The following ZNF81 variants were observed in gnomAD, a reference collection of about 807,000 sequenced individuals.
ZNF81 encodes zinc finger protein 81.
A neutral mutation model predicts 32.3 loss-of-function variants in ZNF81; 5 were observed. The observed-to-expected ratio is 0.15, with a 90% confidence interval of 0.08 to 0.33. ZNF81 has a LOEUF of 0.33. ZNF81 is among the 10% of genes least tolerant of loss of function. The pLI is 1.00. For missense variants in ZNF81, 379 were observed against 479.8 expected (o/e 0.79, Z 1.96); for synonymous variants, 163 against 166.8 (o/e 0.98, Z 0.17).
chrX:47,870,126 T>C (rs782515787), intron 2 of ZNF81, among the ~76,000 whole-genome samples: 1 of 112,255 alleles, frequency 8.9e-6, no homozygotes, highest in East Asian at 2.8e-4. Flanking sequence ...GGTGGCAGAC[T>C]TCTTCCAGCA....
intron 4 of ZNF81, among the ~76,000 whole-genome samples, chrX:47,910,692 G>A (rs2058736681): frequency 8.9e-6 from 1 of 111,740 alleles, no homozygotes; most frequent in East Asian, 2.8e-4. Flanking sequence ...ACACCACTAG[G>A]TGCTGTATTA....
intron 1 of ZNF81, among the ~76,000 whole-genome samples, chrX:47,837,966 C>T (rs919033625): frequency 1.8e-5 from 2 of 112,179 alleles, no homozygotes; most frequent in African/African-American, 6.5e-5. Context: ...AATCCATATA[C>T]ATAGTATGTC....
At chrX:47,851,802 A>T (rs1363046606) in intron 2 of ZNF81, among the ~76,000 whole-genome samples, 2 of 112,400 alleles carry the variant, frequency 1.8e-5, no homozygotes, top group African/African-American at 6.5e-5. Flanking sequence ...TCTGTTTAAT[A>T]CTTAATTGTT....
At chrX:47,854,122 C>G (rs1220685023) in intron 2 of ZNF81, among the ~76,000 whole-genome samples, 3 of 112,705 alleles carry the variant, frequency 2.7e-5, no homozygotes, top group African/African-American at 9.7e-5. Flanking sequence ...CTTGCTACTT[C>G]ACCTTGTACT....
At chrX:47,857,070 A>G (rs2058520423) in intron 2 of ZNF81, among the ~76,000 whole-genome samples, 1 of 112,416 alleles carries the variant, frequency 8.9e-6, no homozygotes, top group African/African-American at 3.2e-5. Flanking sequence ...CAGAGGGAAT[A>G]TAAGGTGAAA....
chrX:47,904,243 AC>A (rs1430794117), intron 4 of ZNF81, among the ~76,000 whole-genome samples: 1 of 110,993 alleles, frequency 9.0e-6, no homozygotes, highest in East Asian at 2.8e-4. Flanking sequence ...GAGCTTCTGC[AC>A]AGCAAAAGAA....
rs1410809453 is a variant in ZNF81 at position 47,915,187 on chromosome X, A to C, written c.541A>C (p.Asn181His). ...TGGAAAATTTGTTCATCCAAGCCCAAATCTCATTCTTTCACAGAAAAGACC... is the reference window on the plus strand; with the variant it reads ...TGGAAAATTTGTTCATCCAAGCCCACATCTCATTCTTTCACAGAAAAGACC... ...DFGKFVHPSP[N>H]LILSQKRPHK... The change falls in exon 5 of 5, where the codon AAT becomes CAT. Residue 181 changes from asparagine to histidine, a missense_variant. By Grantham distance (68) the Asn-to-His change is moderately conservative. Coordinates refer to ENST00000338637, the MANE Select transcript of ZNF81 (RefSeq NM_007137.5). The C allele has an allele frequency of 3.3e-6, 4 of 1,204,185 alleles. No homozygotes were observed. Among genetic ancestry groups the C allele is most frequent in the Admixed American group, 2.2e-5 (1 of 44,731 alleles).
chrX:47,898,839 C>A (rs907287750), intron 4 of ZNF81, among the ~76,000 whole-genome samples: 13 of 111,440 alleles, frequency 1.2e-4, no homozygotes, highest in Middle Eastern at 8.6e-3. Flanking sequence ...TTTTACATGG[C>A]ATTGTTTTAG....
At chrX:47,884,076 T>C (rs1327681170) in intron 2 of ZNF81, among the ~76,000 whole-genome samples, 1 of 108,285 alleles carries the variant, frequency 9.2e-6, no homozygotes, top group Non-Finnish European at 1.9e-5. Flanking sequence ...TGAAACCCTG[T>C]CTCTACTAAA....
rs782299682 is a variant in ZNF81, at chrX:47,920,157, A to C, written c.*3525A>C. The C allele has an allele frequency of 1.9e-3, 211 of 111,935 alleles. No homozygotes were observed. Among genetic ancestry groups the C allele is most frequent in the Non-Finnish European group, 3.3e-3 (175 of 53,233 alleles). The allele number at this position is 111,935 out of a possible 1,213,427, so 9.2% of individuals were successfully genotyped here. On this transcript the variant is annotated 3_prime_UTR_variant, in exon 5 of 5. Transcript: ENST00000338637. ...GTTACCTTTGCTGTACCATAGACTTAAAATTCCTCTATTGTTATCTTATGC... is the reference window on the plus strand; with the variant it reads ...GTTACCTTTGCTGTACCATAGACTTCAAATTCCTCTATTGTTATCTTATGC...
intron 2 of ZNF81, among the ~76,000 whole-genome samples, chrX:47,857,720 C>G (rs2058523059): frequency 9.0e-6 from 1 of 111,494 alleles, no homozygotes; most frequent in African/African-American, 3.3e-5. Flanking sequence ...TGCCCTTGAC[C>G]CCTTATCCAC....
rs2058448814 is a variant in ZNF81, at chrX:47,841,459, C to A, written c.-164+4472C>A. ...CAAAGGCCAAGGAATGTTTATCTGG[C>A]AATTCCAAGGCATGAGGTTTCACTT... On this transcript the variant is annotated intron_variant, in intron 1 of 4. Transcript: ENST00000338637. 3.8e-6 allele frequency: 4 copies of A among 1,041,260 alleles called. No homozygotes were observed. In the South Asian group the frequency reaches 7.5e-5, roughly 19 times the overall value. 85.8% of individuals were successfully genotyped at this position (1,041,260 alleles called of 1,213,427 possible).
chrX:47,883,638 T>C (rs1260077960), intron 2 of ZNF81, among the ~76,000 whole-genome samples: 3 of 112,505 alleles, frequency 2.7e-5, no homozygotes, highest in Admixed American at 9.4e-5. Flanking sequence ...TTACTTCTGT[T>C]AGGTTTATTT....
chrX:47,855,190 T>TA (rs1163678594), intron 2 of ZNF81, among the ~76,000 whole-genome samples: 6 of 106,948 alleles, frequency 5.6e-5, no homozygotes, highest in African/African-American at 1.4e-4. Context: ...TAAATAAAAA[T>TA]AAAAAAACCC....
At chrX:47,891,740 A>G (rs2058663021) in intron 3 of ZNF81, among the ~76,000 whole-genome samples, 1 of 112,211 alleles carries the variant, frequency 8.9e-6, no homozygotes, top group African/African-American at 3.2e-5. Flanking sequence ...GGTGGACCAT[A>G]GTGGTGTTTG....
At chrX:47,904,573 G>A (rs1556888746) in intron 4 of ZNF81, among the ~76,000 whole-genome samples, 1 of 110,688 alleles carries the variant, frequency 9.0e-6, no homozygotes, top group Non-Finnish European at 1.9e-5. Flanking sequence ...ACAGGTGCTG[G>A]AGAGGATATG....
chrX:47,862,875 A>T (rs1165593262), intron 2 of ZNF81, among the ~76,000 whole-genome samples: 2 of 111,354 alleles, frequency 1.8e-5, no homozygotes, highest in Non-Finnish European at 1.9e-5. Flanking sequence ...CATTCAGGGG[A>T]AGTCCTAGTC....
intron 4 of ZNF81, among the ~76,000 whole-genome samples, chrX:47,912,526 A>G (rs553640550): frequency 1.8e-4 from 19 of 106,494 alleles, no homozygotes; most frequent in African/African-American, 6.5e-4. Context: ...TGTATGAATT[A>G]TACTAATGCT....
rs2058783183 is a variant in ZNF81, at chrX:47,923,449, A to G, written c.*6817A>G. 8.9e-6 allele frequency among the ~76,000 whole-genome samples: 1 copy of G among 112,104 alleles called. No homozygotes were observed. The highest frequency in any genetic ancestry group is 9.4e-5 in the Admixed American group (1 of 10,605). On this transcript the variant is annotated 3_prime_UTR_variant, in exon 5 of 5. Coordinates refer to ENST00000338637, the MANE Select transcript of ZNF81 (RefSeq NM_007137.5). ...GCAGCCAGAGAGGTAAAAACATACC[A>G]GGTGAGCAAGGGGCTCATAGAGAAC...
Sources: allele counts gnomAD v4.1 joint callset (sites outside exome capture counted in the v4.1 genomes callset), GRCh38; gene constraint gnomAD v4.1.1; transcripts MANE v1.5; gene names NCBI Gene and HGNC (gene_info 2026-07-23, HGNC 2026-07-21).